The following ZNF442 variants were observed in gnomAD, a reference collection of about 807,000 sequenced individuals.
The protein encoded by ZNF442 is zinc finger protein 442.
A neutral mutation model predicts 57.0 loss-of-function variants in ZNF442; 45 were observed. That is an observed-to-expected ratio of 0.79 (90% CI 0.62 to 1.01). The LOEUF is 1.01. Ranked by LOEUF, ZNF442 falls within the 50% of genes least tolerant of loss-of-function variation. The pLI is 0.00. For synonymous variants in ZNF442, 213 were observed against 241.8 expected (o/e 0.88, Z 1.10); for missense variants, 690 against 756.5 (o/e 0.91, Z 1.03).
chr19:12,359,952 T>A (rs904092596), intron 3 of ZNF442, among the ~76,000 whole-genome samples: 1 of 151,918 alleles, frequency 6.6e-6, no homozygotes, highest in Admixed American at 6.6e-5. Flanking sequence ...CATTCCAACA[T>A]GGGCAACAGA....
chr19:12,367,344 A>G (rs1568493141), upstream of ZNF442, among the ~76,000 whole-genome samples: 1 of 152,198 alleles, frequency 6.6e-6, no homozygotes, highest in Non-Finnish European at 1.5e-5. Flanking sequence ...GGAGTAAGTC[A>G]CAAAGATCAC....
At chr19:12,372,460 CA>C in the ZNF442 span, among the ~76,000 whole-genome samples, 190 of 133,464 alleles carry the variant, frequency 1.4e-3, 1 homozygote, top group African/African-American at 3.5e-3. Flanking sequence ...ACTCCATCTC[CA>C]AAAAAAAAAA....
rs546727355 is a variant in ZNF442, at chr19:12,347,064, G to A, written c.*2637C>T. 2 of 152,280 alleles carry A rather than the reference G, an allele frequency of 1.3e-5. No homozygotes were observed. Among genetic ancestry groups the A allele is most frequent in the Admixed American group, 6.5e-5 (1 of 15,298 alleles). 9.4% of individuals were successfully genotyped at this position (152,280 alleles called of 1,614,324 possible). A position where few individuals can be genotyped will look rare whatever the true frequency, so the allele number is the denominator to read the frequency against. ...GTACCAGCACTGTAAGAGGCTTCCA[G>A]ATGAGCAGTTCCAGTGGTTAATGTT... On this transcript the variant is annotated 3_prime_UTR_variant, in exon 6 of 6. Transcript: ENST00000242804.
Position 12,349,612 on chromosome 19 carries a change from C to T in ZNF442, c.*89G>A. On this transcript the variant is annotated 3_prime_UTR_variant, in exon 6 of 6. Coordinates refer to ENST00000242804, the MANE Select transcript of ZNF442 (RefSeq NM_030824.3). Reference sequence around the variant, plus strand: ...TCAAAAGAAACATCTTAAGGCTTTACCATGTGTTTGCATTCATGAGGCTTA... The same window carrying T: ...TCAAAAGAAACATCTTAAGGCTTTATCATGTGTTTGCATTCATGAGGCTTA... 2.3e-6 allele frequency: 3 copies of T among 1,324,262 alleles called. No individual in the cohort carries two copies. In the South Asian group the frequency reaches 4.4e-5, roughly 19 times the overall value. 82.0% of individuals were successfully genotyped at this position (1,324,262 alleles called of 1,614,324 possible).
chr19:12,348,443 A>G lies in ZNF442; in HGVS notation c.*1258T>C, dbSNP rs1013953901. The G allele has an allele frequency of 3.9e-5, 6 of 152,232 alleles. No individual in the cohort carries two copies. The highest frequency in any genetic ancestry group is 1.4e-4 in the African/African-American group (6 of 41,464). The allele number at this position is 152,232 out of a possible 1,614,324, so 9.4% of individuals were successfully genotyped here. A position where few individuals can be genotyped will look rare whatever the true frequency, so the allele number is the denominator to read the frequency against. On this transcript the variant is annotated 3_prime_UTR_variant, in exon 6 of 6. Coordinates refer to ENST00000242804, the MANE Select transcript of ZNF442 (RefSeq NM_030824.3). ...AAAACCTCTGTGTCACCCAAGGGAT[A>G]ACATGCCAACAAACACTGCAAGGAT...
chr19:12,352,953 T>C, intron 4 of ZNF442, 35 bp downstream of exon 4: 1 of 1,586,650 alleles, frequency 6.3e-7, no homozygotes, highest in Non-Finnish European at 8.5e-7. Flanking sequence ...AAAATGTCTC[T>C]AATTGACTAA....
chr19:12,362,744 C>T (rs962728581), intron 3 of ZNF442, among the ~76,000 whole-genome samples: 2 of 152,132 alleles, frequency 1.3e-5, no homozygotes, highest in East Asian at 1.9e-4. Flanking sequence ...GCCATGATGA[C>T]GATGGCGGTT....
intron 3 of ZNF442, among the ~76,000 whole-genome samples, chr19:12,356,944 A>T (rs192706086): frequency 6.6e-6 from 1 of 152,306 alleles, no homozygotes; most frequent in African/African-American, 2.4e-5. Context: ...TAAAAAAGTC[A>T]TGAAGTGTTA....
rs1330780402 is a variant in ZNF442, at chr19:12,350,282, A to C, written c.1303T>G (p.Cys435Gly). 1 of 1,613,722 alleles carries C rather than the reference A, an allele frequency of 6.2e-7. No individual in the cohort carries two copies. Among genetic ancestry groups the C allele is most frequent in the South Asian group, 1.1e-5 (1 of 91,074 alleles). ...RTHTGEKPYE[C>G]KECGKAFRIS... The stretch of plus-strand genomic sequence containing the variant: ...CGGAAGGCTTTACCACATTCTTTAC[A>C]TTCATAGGGTTTCTCACCAGTATGA... Residue 435 changes from cysteine to glycine, a missense_variant, in exon 6 of 6, where the codon TGT (cysteine) becomes GGT (glycine). Transcript: ENST00000242804.
At chr19:12,355,629 G>A (rs536532661) in intron 3 of ZNF442, among the ~76,000 whole-genome samples, 124 of 150,678 alleles carry the variant, frequency 8.2e-4, no homozygotes, top group Non-Finnish European at 1.3e-3. Context: ...AAAGTGCTGG[G>A]ATTACAGGCA....
At chr19:12,362,991 AAACAAAAC>A (rs963585702) in intron 3 of ZNF442, among the ~76,000 whole-genome samples, 12 of 148,496 alleles carry the variant, frequency 8.1e-5, no homozygotes, top group African/African-American at 3.1e-4. Flanking sequence ...AAAATACAAA[AAACAAAAC>A]AAAAAAAAAA....
chr19:12,360,557 T>C (rs1291374323), intron 3 of ZNF442, among the ~76,000 whole-genome samples: 1 of 152,166 alleles, frequency 6.6e-6, no homozygotes, highest in Non-Finnish European at 1.5e-5. Flanking sequence ...TAGCATTTAT[T>C]TATTTATTAG....
intron 3 of ZNF442, among the ~76,000 whole-genome samples, chr19:12,353,882 G>A (rs1599588875): frequency 6.6e-6 from 1 of 152,250 alleles, no homozygotes; most frequent in Non-Finnish European, 1.5e-5. Flanking sequence ...GTCCCTATGA[G>A]AAGAGAAAGA....
intron 3 of ZNF442, among the ~76,000 whole-genome samples, chr19:12,358,910 A>C (rs1969378929): frequency 6.6e-6 from 1 of 152,178 alleles, no homozygotes; most frequent in Non-Finnish European, 1.5e-5. Flanking sequence ...AATGTGTATA[A>C]AACCAATGAC....
chr19:12,363,998 A>G (rs1479077071), intron 2 of ZNF442, among the ~76,000 whole-genome samples: 1 of 152,220 alleles, frequency 6.6e-6, no homozygotes, highest in South Asian at 2.1e-4. Context: ...ATCCGTACCC[A>G]GGGGAAAGAA....
intron 3 of ZNF442, among the ~76,000 whole-genome samples, chr19:12,360,328 G>T (rs1351375502): frequency 2.0e-5 from 3 of 152,156 alleles, no homozygotes; most frequent in African/African-American, 7.2e-5. Context: ...CACCCCAACT[G>T]CCCCAGCTTT....
chr19:12,350,991 T>A lies in ZNF442; in HGVS notation c.594A>T (p.Arg198Ser), dbSNP rs947407213. The A allele has an allele frequency of 2.5e-6, 4 of 1,614,078 alleles. No individual in the cohort carries two copies. Among genetic ancestry groups the A allele is most frequent in the Non-Finnish European group, 3.4e-6 (4 of 1,179,938 alleles). Residue 198 changes from arginine (R) to serine (S), a missense_variant, in exon 6 of 6, where the codon AGA becomes AGT. By Grantham distance (110) the Arg-to-Ser change is moderately radical (BLOSUM62 -1). Coordinates refer to ENST00000242804, the MANE Select transcript of ZNF442 (RefSeq NM_030824.3). ...KTFSSSGNLRRHIIVQRGGGP... is the reference protein window; with the variant it reads ...KTFSSSGNLRSHIIVQRGGGP... ...CACCTCCACGTTGTACTATTATGTG[T>A]CTTCGAAGGTTTCCCGAAGAACTGA...
At chr19:12,355,410 G>C (rs1465502495) in intron 3 of ZNF442, among the ~76,000 whole-genome samples, 1 of 144,028 alleles carries the variant, frequency 6.9e-6, no homozygotes, top group African/African-American at 2.6e-5. Flanking sequence ...TACCCAGGCT[G>C]GAGTGCAATG....
chr19:12,354,586 G>C (rs540196095), intron 3 of ZNF442, among the ~76,000 whole-genome samples: 16 of 151,388 alleles, frequency 1.1e-4, no homozygotes, highest in African/African-American at 2.7e-4. Flanking sequence ...TTTTTGGAGG[G>C]GGGAGACAGA....
Sources: gnomAD v4.1 joint callset for allele counts (sites outside exome capture counted in the v4.1 genomes callset) on GRCh38, gnomAD v4.1.1 for gene constraint, MANE v1.5 for transcripts, NCBI Gene and HGNC (gene_info 2026-07-23, HGNC 2026-07-21) for gene names.